The following FAM193A variants were observed in gnomAD, a reference collection of about 807,000 sequenced individuals.
FAM193A encodes protein FAM193A.
In FAM193A, 22 loss-of-function variants were observed where a neutral mutation model predicts 126.5. The observed-to-expected ratio is 0.17, with a 90% CI of 0.12 to 0.25. The LOEUF (loss-of-function observed/expected upper bound fraction) is 0.25. Ranked by LOEUF, FAM193A falls within the 10% of genes least tolerant of loss-of-function variation. The pLI, the probability that FAM193A is intolerant of heterozygous loss-of-function variation, is 1.00. For synonymous variants in FAM193A, 761 were observed against 646.8 expected, an observed-to-expected ratio of 1.18 and a Z score of -2.68; for missense variants, 1,675 against 1,672.8, an observed-to-expected ratio of 1.00 and a Z score of -0.02.
At chr4:2,588,622 G>T (rs1035448930) in intron 1 of FAM193A, among the ~76,000 whole-genome samples, 3 of 152,104 alleles carry the variant, frequency 2.0e-5, no homozygotes, top group Non-Finnish European at 4.4e-5. Flanking sequence ...TTTGCTTCAG[G>T]TCACTTAATT....
chr4:2,614,588 T>C (rs1254928674), intron 2 of FAM193A, among the ~76,000 whole-genome samples: 1 of 152,236 alleles, frequency 6.6e-6, no homozygotes, highest in African/African-American at 2.4e-5. Flanking sequence ...CACATCTTTG[T>C]GTGGTTTTGA....
At chr4:2,724,669 C>T (rs76075679) in intron 20 of FAM193A, among the ~76,000 whole-genome samples, 6,685 of 152,040 alleles carry the variant, frequency 0.044, 455 homozygotes, top group African/African-American at 0.14. Flanking sequence ...GCGATTGTGC[C>T]GCTGCACTCC....
Position 2,721,003 on chromosome 4 carries a change from A to G in FAM193A, c.4454+4899A>G, listed in dbSNP as rs533337405. Among the ~76,000 whole-genome samples, 3 of 152,260 alleles carry G rather than the reference A, an allele frequency of 2.0e-5. No homozygotes were observed. In the South Asian group the frequency reaches 6.2e-4, roughly 32 times the overall value. On this transcript the variant is annotated intron_variant, in intron 20 of 20. Coordinates refer to ENST00000637812, the MANE Select transcript of FAM193A (RefSeq NM_001366318.2). ...CCTGGACAACATAGACCACAACTCT[A>G]CAAGAAAATTAAAAATTAGCCAGGC...
chr4:2,584,654 C>T (rs984726061), intron 1 of FAM193A, among the ~76,000 whole-genome samples: 7 of 151,932 alleles, frequency 4.6e-5, no homozygotes, highest in African/African-American at 7.3e-5. Flanking sequence ...TGGCAGGGTG[C>T]GGTGGCTCAA....
chr4:2,551,415 A>G (rs1444214751), intron 1 of FAM193A, among the ~76,000 whole-genome samples: 1 of 152,182 alleles, frequency 6.6e-6, no homozygotes, highest in Non-Finnish European at 1.5e-5. Flanking sequence ...AGCATTTCAG[A>G]TTTTGGATTT....
intron 1 of FAM193A, among the ~76,000 whole-genome samples, chr4:2,584,880 G>C (rs576590365): frequency 2.0e-5 from 3 of 151,868 alleles, no homozygotes; most frequent in African/African-American, 7.3e-5. Flanking sequence ...AGCCGAGACC[G>C]TGCCACTGCA....
intron 7 of FAM193A, among the ~76,000 whole-genome samples, chr4:2,651,481 A>G (rs540360419): frequency 1.3e-5 from 2 of 152,322 alleles, no homozygotes; most frequent in East Asian, 3.9e-4. Context: ...GGCACGTCTT[A>G]CACAGTGGCA....
chr4:2,692,578 C>T lies in FAM193A; in HGVS notation c.2804-1008C>T, dbSNP rs78415510. Among the ~76,000 whole-genome samples the T allele has an allele frequency of 3.9e-3, 590 of 152,268 alleles. 8 individuals carry two copies. Among genetic ancestry groups the T allele is most frequent in the Non-Finnish European group, 4.3e-3 (295 of 68,026 alleles). On this transcript the variant is annotated intron_variant, in intron 15 of 20. Coordinates refer to ENST00000637812, the MANE Select transcript of FAM193A (RefSeq NM_001366318.2). ...TTGCCACAAACTCAGAAGGATCCAA[C>T]GTAATATTTGCAGGATTTGTGCCCA...
chr4:2,724,826 A>C (rs1344295292), intron 20 of FAM193A, among the ~76,000 whole-genome samples: 1 of 152,244 alleles, frequency 6.6e-6, no homozygotes, highest in Non-Finnish European at 1.5e-5. Flanking sequence ...ATCGTTATCA[A>C]GGGTTACGGA....
At chr4:2,684,194 C>T (rs531721813) in intron 13 of FAM193A, among the ~76,000 whole-genome samples, 1 of 152,076 alleles carries the variant, frequency 6.6e-6, no homozygotes, top group East Asian at 1.9e-4. Flanking sequence ...TGTTGTTAGA[C>T]CTTCTTCTGT....
rs529178161 is a variant in FAM193A at position 2,569,903 on chromosome 4, G to C, written c.256-26181G>C. On this transcript the variant is annotated intron_variant, in intron 1 of 20. Transcript: ENST00000637812. ...GTTACAGATTTTTAGATTGTTCTGGGATTTATATATTTATCTCTAGAATTT... is the reference window on the plus strand; with the variant it reads ...GTTACAGATTTTTAGATTGTTCTGGCATTTATATATTTATCTCTAGAATTT... Among the ~76,000 whole-genome samples the C allele has an allele frequency of 3.9e-5, 6 of 152,176 alleles. No individual in the cohort carries two copies. In the South Asian group the frequency reaches 1.2e-3, roughly 32 times the overall value.
chr4:2,627,433 G>C (rs1743088124), intron 4 of FAM193A, among the ~76,000 whole-genome samples: 1 of 96,456 alleles, frequency 1.0e-5, no homozygotes, highest in Non-Finnish European at 2.6e-5. Flanking sequence ...ACAGGCGTGA[G>C]CCACTGCGTC....
At position 2,732,050 on chromosome 4, in the gene FAM193A, T is replaced by A. The variant is rs1721461003; in HGVS notation, c.*182T>A. 1.6e-6 allele frequency: 1 copy of A among 622,586 alleles called. No individual in the cohort carries two copies. The highest frequency in any genetic ancestry group is 2.9e-6 in the Non-Finnish European group (1 of 346,116). 38.6% of individuals were successfully genotyped at this position (622,586 alleles called of 1,614,324 possible). ...CCCACGCCGTTAGCTCGTGTGCGTG[T>A]AGTCTGTGCGTGAGACTCCTTCGAT... On this transcript the variant is annotated 3_prime_UTR_variant, in exon 21 of 21. Transcript: ENST00000637812.
At chr4:2,599,431 C>T (rs1741064207) in intron 2 of FAM193A, among the ~76,000 whole-genome samples, 1 of 152,122 alleles carries the variant, frequency 6.6e-6, no homozygotes, top group South Asian at 2.1e-4. Context: ...CTGGTCAGGG[C>T]TCAGAGTGCA....
At chr4:2,703,847 C>A (rs532983366) in intron 19 of FAM193A, among the ~76,000 whole-genome samples, 1 of 151,322 alleles carries the variant, frequency 6.6e-6, no homozygotes, top group South Asian at 2.1e-4. Flanking sequence ...TGGTGCACGC[C>A]TGTAGTCCCA....
At chr4:2,624,197 G>C (rs1742741540) in intron 2 of FAM193A, among the ~76,000 whole-genome samples, 1 of 151,322 alleles carries the variant, frequency 6.6e-6, no homozygotes. Flanking sequence ...TTTTTTTTGA[G>C]ACAAAGTCTC....
chr4:2,654,248 T>G (rs766157985), intron 7 of FAM193A, among the ~76,000 whole-genome samples: 15 of 151,822 alleles, frequency 9.9e-5, no homozygotes, highest in Admixed American at 2.0e-4. Flanking sequence ...TGAGATGGAG[T>G]CTTACTCTCT....
intron 2 of FAM193A, among the ~76,000 whole-genome samples, chr4:2,620,021 C>T (rs988485312): frequency 6.6e-6 from 1 of 152,166 alleles, no homozygotes; most frequent in South Asian, 2.1e-4. Flanking sequence ...ATTGGCTTTT[C>T]CTCCTTCTTA....
chr4:2,550,300 C>CCT lies in FAM193A; in HGVS notation c.255+13134_255+13135dup, dbSNP rs749132732. ...GCCTCTAGTCATCTACCTGCCTTGG[C>CCT]CTCTCAAAGTGCTGGTATTACAGGC... On this transcript the variant is annotated intron_variant, in intron 1 of 20. Transcript: ENST00000637812. Among the ~76,000 whole-genome samples, 4 of 152,186 alleles carry CCT rather than the reference C, an allele frequency of 2.6e-5. 1 individual carries two copies. The highest frequency in any genetic ancestry group is 1.9e-4 in the East Asian group (1 of 5,190).
Sources: allele counts gnomAD v4.1 joint callset (sites outside exome capture counted in the v4.1 genomes callset), GRCh38; gene constraint gnomAD v4.1.1; transcripts MANE v1.5; gene names NCBI Gene and HGNC (gene_info 2026-07-23, HGNC 2026-07-21).